LRP1B: variants seen among roughly 807,000 people sequenced by gnomAD.
LRP1B encodes low-density lipoprotein receptor-related protein 1B.
Under a neutral mutation model 556.6 loss-of-function variants are expected in LRP1B, and 217 were observed. The ratio of observed to expected loss-of-function variants is 0.39; its 90% CI spans 0.35 to 0.44. The LOEUF (loss-of-function observed/expected upper bound fraction) is 0.44. Among genes scored for constraint, LRP1B ranks in the 20% least tolerant of loss-of-function variants. LRP1B has a pLI of 1.00. For synonymous variants in LRP1B, 2,047 were observed against 1,865.8 expected (o/e 1.10, Z -2.50); for missense variants, 5,053 against 5,620.8 (o/e 0.90, Z 3.23).
At chr2:141,711,212 T>C (rs1692342773) in intron 2 of LRP1B, among the ~76,000 whole-genome samples, 1 of 152,170 alleles carries the variant, frequency 6.6e-6, no homozygotes, top group African/African-American at 2.4e-5. Context: ...GTACCACCCA[T>C]GTATGGTGTG....
chr2:141,387,313 G>T (rs1453853742), intron 3 of LRP1B, among the ~76,000 whole-genome samples: 4 of 151,294 alleles, frequency 2.6e-5, no homozygotes, highest in Non-Finnish European at 5.9e-5. Flanking sequence ...GCAGAAGAAA[G>T]GAAGTTATAA....
intron 23 of LRP1B, among the ~76,000 whole-genome samples, chr2:140,889,048 G>GA (rs375802949): frequency 6.6e-6 from 1 of 151,416 alleles, no homozygotes; most frequent in African/African-American, 2.4e-5. Flanking sequence ...GATCTAATGT[G>GA]AAAAAAAGTA....
intron 35 of LRP1B, among the ~76,000 whole-genome samples, chr2:140,767,854 T>G (rs1158486432): frequency 6.6e-6 from 1 of 151,888 alleles, no homozygotes; most frequent in African/African-American, 2.4e-5. Context: ...TAAAAATACA[T>G]GCATGTACTG....
intron 1 of LRP1B, among the ~76,000 whole-genome samples, chr2:141,864,132 A>T (rs920344558): frequency 2.0e-5 from 3 of 152,204 alleles, no homozygotes; most frequent in African/African-American, 7.2e-5. Context: ...GCATAAAAAA[A>T]ATCTGTCTAA....
chr2:141,618,605 T>G (rs1287819843), intron 2 of LRP1B, among the ~76,000 whole-genome samples: 1 of 152,210 alleles, frequency 6.6e-6, no homozygotes, highest in African/African-American at 2.4e-5. Flanking sequence ...TTTTGATCTG[T>G]CTCTCTATCC....
intron 3 of LRP1B, among the ~76,000 whole-genome samples, chr2:141,444,562 T>G (rs1046017771): frequency 2.0e-5 from 3 of 152,096 alleles, no homozygotes; most frequent in Non-Finnish European, 4.4e-5. Flanking sequence ...TGTCTGGGGG[T>G]TTGTCATAAA....
intron 3 of LRP1B, among the ~76,000 whole-genome samples, chr2:141,409,289 T>C (rs1033137460): frequency 1.3e-5 from 2 of 152,188 alleles, no homozygotes; most frequent in Non-Finnish European, 2.9e-5. Flanking sequence ...TCATACAAGC[T>C]TATTTGGGTT....
At chr2:141,022,589 A>G (rs969795847) in intron 11 of LRP1B, among the ~76,000 whole-genome samples, 9 of 151,950 alleles carry the variant, frequency 5.9e-5, no homozygotes, top group African/African-American at 2.2e-4. Context: ...TTGATATTTT[A>G]TTCAAAGGGG....
At chr2:141,488,315 G>C (rs945613340) in intron 2 of LRP1B, among the ~76,000 whole-genome samples, 7 of 152,090 alleles carry the variant, frequency 4.6e-5, no homozygotes, top group African/African-American at 1.7e-4. Context: ...GATATGTAAA[G>C]CATAAGATGT....
intron 6 of LRP1B, among the ~76,000 whole-genome samples, chr2:141,223,140 A>G (rs961528816): frequency 2.0e-5 from 3 of 152,174 alleles, no homozygotes; most frequent in African/African-American, 7.2e-5. Flanking sequence ...AGAAAACCCC[A>G]TTGTCTCATC....
intron 2 of LRP1B, among the ~76,000 whole-genome samples, chr2:141,613,137 C>T (rs965288837): frequency 6.6e-6 from 1 of 152,006 alleles, no homozygotes; most frequent in Non-Finnish European, 1.5e-5. Context: ...AGTCTACTGC[C>T]TTCCTGTCCT....
Position 141,711,357 on chromosome 2 carries a change from A to G in LRP1B, c.205+98922T>C, listed in dbSNP as rs1331686856. Among the ~76,000 whole-genome samples the G allele has an allele frequency of 2.0e-5, 3 of 152,200 alleles. No individual in the cohort carries two copies. In the East Asian group the frequency reaches 5.8e-4, roughly 29 times the overall value. ...CAACTAGACCAATAATGAAATCTGT[A>G]GTTAGATTAGTTTGGCTATCAAATG... On this transcript the variant is annotated intron_variant, in intron 2 of 90. Coordinates refer to ENST00000389484, the MANE Select transcript of LRP1B (RefSeq NM_018557.3).
In LRP1B at chr2:140,642,690, A is replaced by C. The variant is rs1052299184; in HGVS notation, c.6800-41051T>G. Among the ~76,000 whole-genome samples the C allele has an allele frequency of 3.3e-5, 5 of 152,010 alleles. No individual in the cohort carries two copies. The East Asian group carries it at 9.7e-4, about 29-fold the overall frequency. Reference sequence around the variant, plus strand: ...CCCCATCTCTACTAAAAAATACAAAAAAAATTAGCTGGGCATGGTGGCGGG... The same window carrying C: ...CCCCATCTCTACTAAAAAATACAAACAAAATTAGCTGGGCATGGTGGCGGG... On this transcript the variant is annotated intron_variant, in intron 41 of 90. Coordinates refer to ENST00000389484, the MANE Select transcript of LRP1B (RefSeq NM_018557.3).
At position 141,229,275 on chromosome 2, in the gene LRP1B, C is replaced by T. The variant is rs898532424; in HGVS notation, c.758G>A (p.Arg253Lys). ...ACATTTGAGTTGATTTGAAGATTCT[C>T]TTGATTCAATCCAACAAATCATATC... ...NEDMICWIES[R>K]ESSNQLKCIQ... Residue 253 changes from arginine (R) to lysine (K), a missense_variant, in exon 6 of 91, where the codon AGA (arginine) becomes AAA (lysine). Physicochemically the swap from Arg to Lys is conservative, Grantham distance 26. Transcript: ENST00000389484. The T allele has an allele frequency of 4.3e-6, 7 of 1,611,426 alleles. No individual in the cohort carries two copies. The highest frequency in any genetic ancestry group is 5.9e-6 in the Non-Finnish European group (7 of 1,177,798).
Position 142,015,991 on chromosome 2 carries a change from C to CAAAAAAAAAAAAA in LRP1B, c.82+114644_82+114656dup, listed in dbSNP as rs70994471. 2.6e-3 allele frequency among the ~76,000 whole-genome samples: 100 copies of CAAAAAAAAAAAAA among 38,784 alleles called. 15 individuals are homozygous for CAAAAAAAAAAAAA. Among genetic ancestry groups the CAAAAAAAAAAAAA allele is most frequent in the East Asian group, 7.2e-3 (5 of 694 alleles). The allele number at this position is 38,784 out of a possible 152,430, so 25.4% of individuals were successfully genotyped here. ...TGGGCAACAGCGCGAGACTCCATCT[C>CAAAAAAAAAAAAA]AAAAAAAAAAAAAAAAAAAAAGTGG... On this transcript the variant is annotated intron_variant, in intron 1 of 90. Coordinates refer to ENST00000389484, the MANE Select transcript of LRP1B (RefSeq NM_018557.3).
chr2:141,266,658 A>G (rs547089029), intron 3 of LRP1B, among the ~76,000 whole-genome samples: 146 of 152,326 alleles, frequency 9.6e-4, no homozygotes, highest in Admixed American at 3.5e-3. Context: ...TACTGGATTT[A>G]AACAACTGCT....
At chr2:140,895,632 C>A (rs984388105) in intron 23 of LRP1B, among the ~76,000 whole-genome samples, 18 of 152,146 alleles carry the variant, frequency 1.2e-4, no homozygotes, top group African/African-American at 2.9e-4. Context: ...CCCCCTGTAA[C>A]CTGAGCTCTT....
At position 140,456,074 on chromosome 2, in the gene LRP1B, G is replaced by A. The variant is rs1056594008; in HGVS notation, c.9963+381C>T. Among the ~76,000 whole-genome samples the A allele has an allele frequency of 3.3e-5, 5 of 152,096 alleles. No homozygotes were observed. In the South Asian group the frequency reaches 1.0e-3, roughly 32 times the overall value. ...AAAATCTAGAGACTTACTCTCTATT[G>A]AATTTATCTTTCCCAGATCACCTAC... On this transcript the variant is annotated intron_variant, in intron 62 of 90. Coordinates refer to ENST00000389484, the MANE Select transcript of LRP1B (RefSeq NM_018557.3).
At chr2:141,994,804 TTCTTA>T (rs1484458650) in intron 1 of LRP1B, among the ~76,000 whole-genome samples, 2 of 152,172 alleles carry the variant, frequency 1.3e-5, no homozygotes, top group African/African-American at 2.4e-5. Context: ...ATTTTAGACC[TTCTTA>T]TCTTTACCAT....
Sources: allele counts gnomAD v4.1 joint callset (sites outside exome capture counted in the v4.1 genomes callset), GRCh38; gene constraint gnomAD v4.1.1; transcripts MANE v1.5; gene names NCBI Gene and HGNC (gene_info 2026-07-23, HGNC 2026-07-21).